GABRB1: variants seen among roughly 807,000 people sequenced by gnomAD.
GABRB1 encodes the protein gamma-aminobutyric acid type A receptor subunit beta1, also known as gamma-aminobutyric acid receptor subunit beta-1.
In GABRB1, 17 loss-of-function variants were observed where a neutral mutation model predicts 51.6. That is an observed-to-expected ratio of 0.33 (90% CI 0.23 to 0.49). The LOEUF is 0.49. Among genes scored for constraint, GABRB1 ranks in the 20% least tolerant of loss-of-function variants. GABRB1 has a pLI of 0.99. For missense variants in GABRB1, 410 were observed against 600.6 expected (o/e 0.68, Z 3.32); for synonymous variants, 247 against 218.9 (o/e 1.13, Z -1.14).
At chr4:47,209,217 G>T (rs539067957) in intron 4 of GABRB1, among the ~76,000 whole-genome samples, 1 of 151,888 alleles carries the variant, frequency 6.6e-6, no homozygotes, top group Non-Finnish European at 1.5e-5. Flanking sequence ...CTACTCAAAC[G>T]TCACTTCAGA....
rs116443521 is a variant in GABRB1 at position 47,184,998 on chromosome 4, G to A, written c.461+23529G>A. Among the ~76,000 whole-genome samples, 898 of 151,886 alleles carry A rather than the reference G, an allele frequency of 5.9e-3. 6 individuals are homozygous for A. The highest frequency in any genetic ancestry group is 0.021 in the African/African-American group (864 of 41,476). On this transcript the variant is annotated intron_variant, in intron 4 of 8. Transcript: ENST00000295454. Reference sequence around the variant, plus strand: ...TGTTTCACTTTTTATTACCTCCTAAGTGCAACAGGCCTTCCCACAGCCACA... The same window carrying A: ...TGTTTCACTTTTTATTACCTCCTAAATGCAACAGGCCTTCCCACAGCCACA...
chr4:47,340,897 G>A (rs750827115), intron 5 of GABRB1, among the ~76,000 whole-genome samples: 1 of 152,170 alleles, frequency 6.6e-6, no homozygotes, highest in South Asian at 2.1e-4. Flanking sequence ...AGTTACCTCA[G>A]AATTTCATGT....
chr4:47,259,907 T>A (rs1262069110), intron 4 of GABRB1, among the ~76,000 whole-genome samples: 6 of 152,198 alleles, frequency 3.9e-5, no homozygotes, highest in African/African-American at 1.4e-4. Flanking sequence ...CGTTGATCTG[T>A]CTGATGTTGA....
rs181101311 is a variant in GABRB1, at chr4:47,041,160, G to A, written c.240+8676G>A. 1.6e-3 allele frequency among the ~76,000 whole-genome samples: 244 copies of A among 152,198 alleles called. 4 individuals carry two copies. The highest frequency in any genetic ancestry group is 5.7e-3 in the African/African-American group (237 of 41,546). On this transcript the variant is annotated intron_variant, in intron 3 of 8. Coordinates refer to ENST00000295454, the MANE Select transcript of GABRB1 (RefSeq NM_000812.4). ...ACCGGATATAACAGGCAGGGCAAAT[G>A]AGGCTGACAGCATGCCTTGAGAAAT...
intron 3 of GABRB1, among the ~76,000 whole-genome samples, chr4:47,148,980 T>C (rs1442097): frequency 0.69 from 104,390 of 151,786 alleles, 36,516 homozygotes; most frequent in Middle Eastern, 0.84. Flanking sequence ...ATGCTTGTTA[T>C]ATGATACAGT....
rs58156503 is a variant in GABRB1 at position 47,409,456 on chromosome 4, A to G, written c.1080+2530A>G. 9.9e-3 allele frequency among the ~76,000 whole-genome samples: 1,501 copies of G among 152,220 alleles called. 25 individuals are homozygous for G. Among genetic ancestry groups the G allele is most frequent in the African/African-American group, 0.034 (1,430 of 41,516 alleles). ...CCATCCCGCGGCCATCTCTCCGACC[A>G]TCTCCAGCCAAACTTCTCTCGACAT... is the stretch of plus-strand genomic sequence containing the variant. On this transcript the variant is annotated intron_variant, in intron 8 of 8. Transcript: ENST00000295454.
At chr4:47,035,790 A>T (rs562607631) in intron 3 of GABRB1, among the ~76,000 whole-genome samples, 3 of 152,344 alleles carry the variant, frequency 2.0e-5, no homozygotes, top group African/African-American at 2.4e-5. Context: ...AAACACAGAC[A>T]GTAGTAGGCA....
chr4:47,385,540 G>A (rs1727762874), intron 5 of GABRB1, among the ~76,000 whole-genome samples: 1 of 152,178 alleles, frequency 6.6e-6, no homozygotes. Context: ...AAAATAAATT[G>A]AAAACTCTGA....
intron 7 of GABRB1, among the ~76,000 whole-genome samples, chr4:47,405,824 C>G (rs993861658): frequency 1.3e-5 from 2 of 152,110 alleles, no homozygotes; most frequent in Non-Finnish European, 2.9e-5. Flanking sequence ...ACTTCATCAC[C>G]ACCATCATCA....
intron 4 of GABRB1, among the ~76,000 whole-genome samples, chr4:47,209,599 TA>T (rs1476631699): frequency 6.6e-6 from 1 of 152,106 alleles, no homozygotes; most frequent in South Asian, 2.1e-4. Flanking sequence ...TCTCCCCTAA[TA>T]AGCTATGAAC....
At chr4:46,997,110 A>T (rs1328896288) in intron 1 of GABRB1, among the ~76,000 whole-genome samples, 2 of 152,142 alleles carry the variant, frequency 1.3e-5, no homozygotes, top group African/African-American at 4.8e-5. Flanking sequence ...ATTTGTATTA[A>T]AACAGTGTTT....
At chr4:47,330,642 A>G (rs754007715) in intron 5 of GABRB1, among the ~76,000 whole-genome samples, 7 of 152,142 alleles carry the variant, frequency 4.6e-5, no homozygotes, top group Non-Finnish European at 1.0e-4. Flanking sequence ...TATAGAAGAC[A>G]TTCCTCATTG....
chr4:47,281,049 T>C (rs1723273717), intron 4 of GABRB1, among the ~76,000 whole-genome samples: 2 of 152,144 alleles, frequency 1.3e-5, no homozygotes, highest in South Asian at 4.1e-4. Context: ...ATTCCATTTC[T>C]TTCTGGGCTG....
intron 4 of GABRB1, among the ~76,000 whole-genome samples, chr4:47,255,173 C>T (rs775838127): frequency 3.3e-5 from 5 of 152,166 alleles, no homozygotes; most frequent in Non-Finnish European, 5.9e-5. Context: ...TTGCTAGATT[C>T]GTAATCCTGA....
At chr4:47,296,281 GC>G (rs1437315116) in intron 4 of GABRB1, among the ~76,000 whole-genome samples, 2 of 152,098 alleles carry the variant, frequency 1.3e-5, no homozygotes, top group African/African-American at 4.8e-5. Context: ...ATGTAAATGA[GC>G]TAAATGCTCC....
chr4:47,264,210 TAGAA>T (rs1722560441), intron 4 of GABRB1, among the ~76,000 whole-genome samples: 1 of 152,090 alleles, frequency 6.6e-6, no homozygotes, highest in Non-Finnish European at 1.5e-5. Context: ...ACAGAGTAGA[TAGAA>T]AGACTTCATA....
intron 3 of GABRB1, among the ~76,000 whole-genome samples, chr4:47,141,894 T>C (rs1716952798): frequency 6.6e-6 from 1 of 151,910 alleles, no homozygotes; most frequent in Non-Finnish European, 1.5e-5. Flanking sequence ...AGAAGCAGAC[T>C]CTATCACCAT....
chr4:47,346,854 G>A (rs1289731470), intron 5 of GABRB1, among the ~76,000 whole-genome samples: 1 of 152,168 alleles, frequency 6.6e-6, no homozygotes. Context: ...CATCTTCTCT[G>A]ATTGGTTTTG....
intron 3 of GABRB1, among the ~76,000 whole-genome samples, chr4:47,125,344 T>G (rs1033037044): frequency 6.6e-6 from 1 of 152,054 alleles, no homozygotes; most frequent in African/African-American, 2.4e-5. Flanking sequence ...AATGAAATGA[T>G]GCTAATTATT....
Sources: allele counts gnomAD v4.1 joint callset (sites outside exome capture counted in the v4.1 genomes callset), GRCh38; gene constraint gnomAD v4.1.1; transcripts MANE v1.5; gene names NCBI Gene and HGNC (gene_info 2026-07-23, HGNC 2026-07-21).